The following FRMPD4 variants were observed in gnomAD, a reference collection of about 807,000 sequenced individuals.
FRMPD4 encodes the protein FERM and PDZ domain-containing protein 4.
Under a neutral mutation model 94.1 loss-of-function variants are expected in FRMPD4, and 22 were observed. That is an observed-to-expected ratio of 0.23 (90% CI 0.17 to 0.33). The LOEUF (loss-of-function observed/expected upper bound fraction) is 0.33. Among genes scored for constraint, FRMPD4 ranks in the 10% least tolerant of loss-of-function variants. The pLI is 1.00. For synonymous variants in FRMPD4, 631 were observed against 548.6 expected, an observed-to-expected ratio of 1.15 and a Z score of -2.10; for missense variants, 1,111 against 1,339.9, an observed-to-expected ratio of 0.83 and a Z score of 2.67.
intron 2 of FRMPD4, among the ~76,000 whole-genome samples, chrX:11,869,245 C>T (rs755698606): frequency 1.2e-4 from 13 of 111,966 alleles, no homozygotes; most frequent in African/African-American, 4.2e-4. Flanking sequence ...CGGCATATTC[C>T]AGATTGAGTT....
At position 11,869,213 on chromosome X, in the gene FRMPD4, C is replaced by T. The variant is rs757219204; in HGVS notation, c.-30+3997C>T. Among the ~76,000 whole-genome samples, 6 of 112,181 alleles carry T rather than the reference C, an allele frequency of 5.3e-5. No homozygotes were observed. The East Asian group carries it at 1.4e-3, about 26-fold the overall frequency. ...CTCATTAAATGGACATAAAGGTTTA[C>T]CACATATATCTCTAAGACATACGGC... is the stretch of plus-strand genomic sequence containing the variant. On this transcript the variant is annotated intron_variant, in intron 2 of 18. Coordinates refer to the FRMPD4 transcript ENST00000640291.
intron 1 of FRMPD4, among the ~76,000 whole-genome samples, chrX:12,451,273 G>A (rs2148137577): frequency 8.9e-6 from 1 of 111,800 alleles, no homozygotes; most frequent in Non-Finnish European, 1.9e-5. Flanking sequence ...AGAACCCTCA[G>A]CTCATCCCTG....
chrX:12,659,260 G>A (rs775048523), intron 4 of FRMPD4, among the ~76,000 whole-genome samples: 1 of 112,574 alleles, frequency 8.9e-6, no homozygotes, highest in African/African-American at 3.2e-5. Context: ...ATTCAAAATG[G>A]CATGGTGGCC....
chrX:12,452,940 C>A (rs970136309), intron 1 of FRMPD4, among the ~76,000 whole-genome samples: 8 of 112,014 alleles, frequency 7.1e-5, no homozygotes, highest in Non-Finnish European at 1.5e-4. Flanking sequence ...AGGCTTCCAG[C>A]CCGGCATGGA....
At chrX:12,067,437 G>T (rs1367905175) in intron 3 of FRMPD4, among the ~76,000 whole-genome samples, 5 of 107,966 alleles carry the variant, frequency 4.6e-5, no homozygotes, top group Non-Finnish European at 9.6e-5. Context: ...GTTTTTTTTT[G>T]AGAGGAGTCT....
intron 1 of FRMPD4, among the ~76,000 whole-genome samples, chrX:12,470,507 G>A (rs2057498723): frequency 1.8e-5 from 2 of 111,939 alleles, no homozygotes; most frequent in Non-Finnish European, 3.8e-5. Context: ...TAACTAGATA[G>A]CTATGATGTT....
chrX:12,254,425 TG>T (rs1209902864), intron 1 of FRMPD4, among the ~76,000 whole-genome samples: 1 of 111,942 alleles, frequency 8.9e-6, no homozygotes, highest in East Asian at 2.8e-4. Flanking sequence ...CAGCTTGCTT[TG>T]GGATTCAAAG....
intron 5 of FRMPD4, among the ~76,000 whole-genome samples, chrX:12,682,777 C>T (rs975563457): frequency 8.9e-6 from 1 of 111,881 alleles, no homozygotes; most frequent in African/African-American, 3.2e-5. Flanking sequence ...CACATTGCCC[C>T]TCTTTCTGAT....
intron 3 of FRMPD4, among the ~76,000 whole-genome samples, chrX:11,972,866 A>C (rs2054348070): frequency 8.9e-6 from 1 of 112,719 alleles, no homozygotes; most frequent in African/African-American, 3.2e-5. Context: ...ATACAAGAAT[A>C]AATTAGTTTA....
chrX:11,982,822 A>G (rs954818641), intron 3 of FRMPD4, among the ~76,000 whole-genome samples: 2 of 111,805 alleles, frequency 1.8e-5, no homozygotes, highest in African/African-American at 3.2e-5. Context: ...ACTCTTCTAT[A>G]TTGTTAAAAA....
intron 2 of FRMPD4, among the ~76,000 whole-genome samples, chrX:12,542,411 C>T (rs776750159): frequency 5.5e-4 from 62 of 112,116 alleles, no homozygotes; most frequent in South Asian, 2.6e-3. Context: ...AAAATCAATG[C>T]GCAAAAATCA....
At chrX:11,997,818 G>A (rs995297176) in intron 3 of FRMPD4, among the ~76,000 whole-genome samples, 1 of 111,232 alleles carries the variant, frequency 9.0e-6, no homozygotes, top group African/African-American at 3.3e-5. Flanking sequence ...TGTACCTCAA[G>A]GAGAAGAGAG....
intron 1 of FRMPD4, among the ~76,000 whole-genome samples, chrX:12,434,021 C>T (rs1043390552): frequency 1.8e-5 from 2 of 111,183 alleles, no homozygotes; most frequent in African/African-American, 3.3e-5. Context: ...AAGCTTCAAG[C>T]GTGGAGAAGA....
At chrX:11,878,027 T>C (rs183220385) in intron 3 of FRMPD4, among the ~76,000 whole-genome samples, 1 of 111,874 alleles carries the variant, frequency 8.9e-6, no homozygotes, top group African/African-American at 3.2e-5. Flanking sequence ...CAGTGAGTAA[T>C]GGTCTTCAAG....
intron 1 of FRMPD4, among the ~76,000 whole-genome samples, chrX:12,384,611 G>A (rs1366283756): frequency 2.7e-5 from 3 of 112,145 alleles, no homozygotes; most frequent in Non-Finnish European, 5.6e-5. Context: ...TGGACAAGGA[G>A]GAAAGAGATC....
chrX:12,544,127 C>G (rs2058449011), intron 2 of FRMPD4, among the ~76,000 whole-genome samples: 1 of 107,218 alleles, frequency 9.3e-6, no homozygotes, highest in African/African-American at 3.4e-5. Context: ...AGGAGATATA[C>G]CTAATGTAAA....
At chrX:12,693,209 C>A (rs2060094841) in intron 8 of FRMPD4, among the ~76,000 whole-genome samples, 1 of 111,850 alleles carries the variant, frequency 8.9e-6, no homozygotes, top group South Asian at 3.7e-4. Flanking sequence ...AGATCTGTCC[C>A]CTGCATAAGA....
At chrX:12,389,096 C>T (rs1601887810) in intron 1 of FRMPD4, among the ~76,000 whole-genome samples, 1 of 108,961 alleles carries the variant, frequency 9.2e-6, no homozygotes, top group African/African-American at 3.4e-5. Context: ...GTACAAATCT[C>T]AGACACGAGG....
At position 12,147,005 on chromosome X, in the gene FRMPD4, C is replaced by T. The variant is rs777346466; in HGVS notation, c.41+7993C>T. On this transcript the variant is annotated intron_variant, in intron 1 of 16. Coordinates refer to ENST00000675598, the MANE Select transcript of FRMPD4 (RefSeq NM_001368397.1). ...CCCAGAATCAAAGTATACCATTCTA[C>T]CCTCATTCCATTAGGCAGAACTCTG... is the stretch of plus-strand genomic sequence containing the variant. 4.4e-5 allele frequency among the ~76,000 whole-genome samples: 5 copies of T among 112,472 alleles called. No homozygotes were observed. In the East Asian group the frequency reaches 1.1e-3, roughly 25 times the overall value.
Sources: allele counts gnomAD v4.1 joint callset (sites outside exome capture counted in the v4.1 genomes callset), GRCh38; gene constraint gnomAD v4.1.1; transcripts MANE v1.5; gene names NCBI Gene and HGNC (gene_info 2026-07-23, HGNC 2026-07-21).